TRAPPC9: variants seen among roughly 807,000 people sequenced by gnomAD.
TRAPPC9 encodes IKK2 binding protein.
A neutral mutation model predicts 124.0 loss-of-function variants in TRAPPC9; 83 were observed. The observed-to-expected ratio is 0.67, with a 90% CI of 0.56 to 0.80. The LOEUF (loss-of-function observed/expected upper bound fraction) is 0.80, where lower values mean the gene tolerates loss of function less well. Ranked by LOEUF, TRAPPC9 falls within the 30% of genes least tolerant of loss-of-function variation. TRAPPC9 has a pLI of 0.00. For missense variants in TRAPPC9, 1,302 were observed against 1,508.3 expected (o/e 0.86, Z 2.27); for synonymous variants, 638 against 617.5 (o/e 1.03, Z -0.49).
At chr8:139,925,142 C>T (rs897462111) in intron 19 of TRAPPC9, among the ~76,000 whole-genome samples, 97 of 152,328 alleles carry the variant, frequency 6.4e-4, no homozygotes, top group African/African-American at 2.2e-3. Context: ...GTGGAGGAGT[C>T]GACACATGGA....
At position 140,010,564 on chromosome 8, in the gene TRAPPC9, T is replaced by C. The variant is rs143931826; in HGVS notation, c.2699+13373A>G. Reference sequence around the variant, plus strand: ...CATATAAGAGAATACACAGAAGAAATGCAAATGTTCAGTAAACATAAAGAT... The same window carrying C: ...CATATAAGAGAATACACAGAAGAAACGCAAATGTTCAGTAAACATAAAGAT... On this transcript the variant is annotated intron_variant, in intron 18 of 22. Coordinates refer to ENST00000438773, the MANE Select transcript of TRAPPC9 (RefSeq NM_001160372.4). 7.7e-3 allele frequency among the ~76,000 whole-genome samples: 1,169 copies of C among 152,170 alleles called. 13 individuals carry two copies. Among genetic ancestry groups the C allele is most frequent in the African/African-American group, 0.026 (1,091 of 41,520 alleles).
Position 139,870,587 on chromosome 8 carries a change from C to A in TRAPPC9, c.3055+15292G>T, listed in dbSNP as rs192466980. 6.8e-3 allele frequency among the ~76,000 whole-genome samples: 1,028 copies of A among 152,238 alleles called. 13 individuals carry two copies. Among genetic ancestry groups the A allele is most frequent in the African/African-American group, 0.023 (957 of 41,518 alleles). On this transcript the variant is annotated intron_variant, in intron 21 of 22. Transcript: ENST00000438773. ...TGATGCATAGGTTCAAAAGAATGCA[C>A]CAGCTCCACAGGATGGAGATGGAAA...
At chr8:139,876,374 G>C (rs541175321) in intron 21 of TRAPPC9, among the ~76,000 whole-genome samples, 6 of 152,286 alleles carry the variant, frequency 3.9e-5, no homozygotes, top group African/African-American at 1.2e-4. Context: ...GTCTGTCCTC[G>C]GGGAGGCCCA....
chr8:139,748,636 T>C (rs1023902242), intron 21 of TRAPPC9, among the ~76,000 whole-genome samples: 5 of 151,124 alleles, frequency 3.3e-5, no homozygotes, highest in Admixed American at 1.3e-4. Flanking sequence ...TGCCGGGCCT[T>C]GCATAGGCTG....
intron 21 of TRAPPC9, among the ~76,000 whole-genome samples, chr8:139,829,573 C>T (rs931252753): frequency 1.2e-4 from 18 of 152,238 alleles, no homozygotes; most frequent in African/African-American, 4.3e-4. Flanking sequence ...GAGATGCTCA[C>T]AACCCTGGTT....
intron 19 of TRAPPC9, among the ~76,000 whole-genome samples, chr8:139,910,765 T>C (rs1831671901): frequency 8.3e-6 from 1 of 120,674 alleles, no homozygotes; most frequent in African/African-American, 4.1e-5. Context: ...TCAGGCCAGG[T>C]GGGCGTGCCC....
At chr8:139,953,362 G>A (rs988684107) in intron 19 of TRAPPC9, among the ~76,000 whole-genome samples, 3 of 152,090 alleles carry the variant, frequency 2.0e-5, no homozygotes, top group Non-Finnish European at 2.9e-5. Context: ...GCATGGGGGC[G>A]CACACCTATA....
chr8:140,435,067 T>C, intron 4 of TRAPPC9, 45 bp downstream of exon 4: 1 of 1,613,988 alleles, frequency 6.2e-7, no homozygotes, highest in Non-Finnish European at 8.5e-7. Flanking sequence ...CTGCTTTATT[T>C]AAAGACTGCA....
chr8:140,165,964 C>G (rs1357263300), intron 17 of TRAPPC9, among the ~76,000 whole-genome samples: 1 of 152,150 alleles, frequency 6.6e-6, no homozygotes, highest in Non-Finnish European at 1.5e-5. Context: ...CATGATCCTG[C>G]CTCCCTCGAT....
At chr8:140,072,440 C>T (rs531220733) in intron 17 of TRAPPC9, among the ~76,000 whole-genome samples, 32 of 151,876 alleles carry the variant, frequency 2.1e-4, no homozygotes, top group African/African-American at 7.0e-4. Flanking sequence ...ATCGCTTGAA[C>T]GCGGGAGGCA....
At position 139,744,469 on chromosome 8, in the gene TRAPPC9, G is replaced by C. The variant is rs555966922; in HGVS notation, c.3056-12267C>G. On this transcript the variant is annotated intron_variant, in intron 21 of 22. Coordinates refer to ENST00000438773, the MANE Select transcript of TRAPPC9 (RefSeq NM_001160372.4). ...GAGACAGAGGCTGGGTGACAGAGAC[G>C]GAAGAAGGACTTGCTCCGTCTCCGT... 6.6e-5 allele frequency among the ~76,000 whole-genome samples: 10 copies of C among 152,272 alleles called. No individual in the cohort carries two copies. In the East Asian group the frequency reaches 1.9e-3, roughly 29 times the overall value.
At chr8:140,145,482 T>C (rs2061449012) in intron 17 of TRAPPC9, among the ~76,000 whole-genome samples, 1 of 152,148 alleles carries the variant, frequency 6.6e-6, no homozygotes, top group South Asian at 2.1e-4. Flanking sequence ...TTAAAAGAGC[T>C]GTTATTATAA....
intron 17 of TRAPPC9, among the ~76,000 whole-genome samples, chr8:140,170,784 C>T (rs1197053753): frequency 6.6e-6 from 1 of 152,222 alleles, no homozygotes; most frequent in Non-Finnish European, 1.5e-5. Context: ...CTCTAGAGAA[C>T]TACCCAGCTC....
intron 17 of TRAPPC9, among the ~76,000 whole-genome samples, chr8:140,034,593 GT>G (rs1254470366): frequency 6.6e-6 from 1 of 152,232 alleles, no homozygotes; most frequent in Non-Finnish European, 1.5e-5. Flanking sequence ...TGAAGAGCAG[GT>G]GCCCCACATG....
At position 140,146,937 on chromosome 8, in the gene TRAPPC9, T is replaced by C. The variant is rs186216688; in HGVS notation, c.2556+74522A>G. 6.9e-4 allele frequency among the ~76,000 whole-genome samples: 104 copies of C among 151,792 alleles called. 1 individual carries two copies. The highest frequency in any genetic ancestry group is 3.5e-3 in the Middle Eastern group (1 of 288). On this transcript the variant is annotated intron_variant, in intron 17 of 22. Coordinates refer to ENST00000438773, the MANE Select transcript of TRAPPC9 (RefSeq NM_001160372.4). ...ATTTTAATAACTAAATGTGAAAAAG[T>C]ATGTGAAAGTACCTGTTACCCACGC... is the stretch of plus-strand genomic sequence containing the variant.
At chr8:139,947,675 C>T (rs2131481121) in intron 19 of TRAPPC9, among the ~76,000 whole-genome samples, 1 of 151,580 alleles carries the variant, frequency 6.6e-6, no homozygotes, top group South Asian at 2.1e-4. Context: ...GCCTGGCCAA[C>T]ATGGGGAAAC....
intron 11 of TRAPPC9, among the ~76,000 whole-genome samples, chr8:140,296,492 CT>C (rs927565610): frequency 6.6e-6 from 1 of 152,188 alleles, no homozygotes; most frequent in African/African-American, 2.4e-5. Context: ...TCTCGAACTC[CT>C]GGGCTCAAGC....
At position 140,423,579 on chromosome 8, in the gene TRAPPC9, T is replaced by TACACACACACACACACAC. The variant is rs35333495; in HGVS notation, c.886+3018_886+3035dup. Among the ~76,000 whole-genome samples, 79 of 145,434 alleles carry TACACACACACACACACAC rather than the reference T, an allele frequency of 5.4e-4. 1 individual carries two copies. The highest frequency in any genetic ancestry group is 2.0e-3 in the African/African-American group (76 of 38,798). ...GAATATGGAAAAACAAAATGTGGCA[T>TACACACACACACACACAC]ACACACACACACACACACACACACA... is the stretch of plus-strand genomic sequence containing the variant. On this transcript the variant is annotated intron_variant, in intron 5 of 22. Transcript: ENST00000438773.
chr8:140,376,553 TAAAAAAAAAAAAAA>T (rs34319639), intron 7 of TRAPPC9, among the ~76,000 whole-genome samples: 7 of 49,722 alleles, frequency 1.4e-4, no homozygotes, highest in African/African-American at 3.6e-4. Flanking sequence ...AGACTCCATC[TAAAAAAAAAAAAAA>T]AAAAAAAAAA....
Sources: allele counts gnomAD v4.1 joint callset (sites outside exome capture counted in the v4.1 genomes callset), GRCh38; gene constraint gnomAD v4.1.1; transcripts MANE v1.5; gene names NCBI Gene and HGNC (gene_info 2026-07-23, HGNC 2026-07-21).